SHISAL1: variants seen among roughly 807,000 people sequenced by gnomAD.
SHISAL1 encodes shisa like 1.
SHISAL1 carries 9 observed loss-of-function variants against 22.6 expected under a neutral mutation model. The observed-to-expected ratio is 0.40, with a 90% CI of 0.24 to 0.70. SHISAL1 has a LOEUF of 0.70. Ranked by LOEUF, SHISAL1 falls within the 30% of genes least tolerant of loss-of-function variation. The pLI is 0.39. For missense variants in SHISAL1, 246 were observed against 270.6 expected (o/e 0.91, Z 0.64); for synonymous variants, 119 against 115.4 (o/e 1.03, Z -0.20).
At chr22:44,307,161 C>T (rs1157332021) in intron 1 of SHISAL1, among the ~76,000 whole-genome samples, 1 of 152,180 alleles carries the variant, frequency 6.6e-6, no homozygotes, top group East Asian at 1.9e-4. Flanking sequence ...TCCTGTGGGC[C>T]TTGTGCTGCC....
intron 2 of SHISAL1, among the ~76,000 whole-genome samples, chr22:44,298,080 C>G (rs1332839989): frequency 5.3e-5 from 8 of 152,234 alleles, no homozygotes; most frequent in African/African-American, 1.9e-4. Context: ...CCTTCCCCCA[C>G]AGACAGCACC....
intron 4 of SHISAL1, among the ~76,000 whole-genome samples, chr22:44,276,546 T>C (rs2055240858): frequency 6.6e-6 from 1 of 151,282 alleles, no homozygotes; most frequent in South Asian, 2.1e-4. Context: ...CAAGGAGGGC[T>C]GATCTCAGTG....
chr22:44,266,559 T>TGTGTGTGTGTGTGTGTGTG (rs1555926298), intron 4 of SHISAL1, among the ~76,000 whole-genome samples: 4 of 142,536 alleles, frequency 2.8e-5, no homozygotes, highest in Non-Finnish European at 4.5e-5. Flanking sequence ...TGTGTGTGTG[T>TGTGTGTGTGTGTGTGTGTG]TGGAGGGCTC....
chr22:44,327,286 G>A, the SHISAL1 span, among the ~76,000 whole-genome samples: 102 of 150,984 alleles, frequency 6.8e-4, no homozygotes, highest in East Asian at 1.9e-4. Flanking sequence ...ACACACGTGC[G>A]CGTACACCAG....
At chr22:44,329,456 CA>C in the SHISAL1 span, among the ~76,000 whole-genome samples, 1 of 127,254 alleles carries the variant, frequency 7.9e-6, no homozygotes, top group East Asian at 2.8e-4. Flanking sequence ...CACACACACA[CA>C]CACACACGCG....
At chr22:44,311,189 G>A (rs1056928817) in intron 1 of SHISAL1, among the ~76,000 whole-genome samples, 2 of 152,110 alleles carry the variant, frequency 1.3e-5, no homozygotes, top group African/African-American at 2.4e-5. Flanking sequence ...GAGGTGGGCC[G>A]GCTCACACCC....
At chr22:44,275,777 G>T (rs1376135354) in intron 4 of SHISAL1, among the ~76,000 whole-genome samples, 2 of 152,212 alleles carry the variant, frequency 1.3e-5, no homozygotes, top group African/African-American at 4.8e-5. Flanking sequence ...TGGCCAAGCT[G>T]CAGTGCAGCT....
intron 4 of SHISAL1, among the ~76,000 whole-genome samples, chr22:44,266,525 G>GGTGTGTGTGT (rs386395566): frequency 6.6e-5 from 3 of 45,716 alleles, no homozygotes; most frequent in Middle Eastern, 0.013. Flanking sequence ...GGGGCTTTGG[G>GGTGTGTGTGT]GTATGTGTGT....
intron 4 of SHISAL1, among the ~76,000 whole-genome samples, chr22:44,250,352 G>A (rs1269045928): frequency 3.9e-5 from 6 of 152,170 alleles, no homozygotes; most frequent in African/African-American, 1.2e-4. Flanking sequence ...CTATAAAGAA[G>A]AGACCAAGGT....
At chr22:44,323,670 TCCATCCATCCA>T in the SHISAL1 span, among the ~76,000 whole-genome samples, 3 of 148,638 alleles carry the variant, frequency 2.0e-5, no homozygotes, top group African/African-American at 7.4e-5. Context: ...CATCCATCCA[TCCATCCATCCA>T]TCCATCCATC....
chr22:44,259,117 G>A (rs2055104646), intron 4 of SHISAL1, among the ~76,000 whole-genome samples: 1 of 152,202 alleles, frequency 6.6e-6, no homozygotes, highest in South Asian at 2.1e-4. Flanking sequence ...TTCTTAGGTG[G>A]AAATTTGCAA....
chr22:44,301,110 G>A (rs537592857), intron 1 of SHISAL1, 133 bp from the exon 2 acceptor site: 66 of 584,424 alleles, frequency 1.1e-4, no homozygotes, highest in African/African-American at 9.2e-4. Context: ...GGCCGGGTGC[G>A]GACGATGGAG....
chr22:44,269,282 TACAC>T (rs2055188353), intron 4 of SHISAL1, among the ~76,000 whole-genome samples: 1 of 111,514 alleles, frequency 9.0e-6, no homozygotes, highest in Non-Finnish European at 1.8e-5. Context: ...ACAACACACA[TACAC>T]ACACCCCATG....
At chr22:44,265,798 G>C (rs982969957) in intron 4 of SHISAL1, among the ~76,000 whole-genome samples, 1 of 152,186 alleles carries the variant, frequency 6.6e-6, no homozygotes. Flanking sequence ...ACACCCCAGC[G>C]ATGGGGAGCT....
At chr22:44,314,479 G>C (rs934513937), upstream of SHISAL1, among the ~76,000 whole-genome samples, 1 of 152,114 alleles carries the variant, frequency 6.6e-6, no homozygotes. Context: ...AAAAGTATGG[G>C]TCCGCCAATG....
intron 4 of SHISAL1, among the ~76,000 whole-genome samples, chr22:44,258,817 G>C (rs907189487): frequency 2.6e-5 from 4 of 152,178 alleles, no homozygotes; most frequent in African/African-American, 4.8e-5. Flanking sequence ...ACACTTCCAT[G>C]TTCCCAGCAT....
rs1010441042 is a variant in SHISAL1, at chr22:44,248,554, C to T, written c.*1131G>A. 1.3e-5 allele frequency: 2 copies of T among 152,212 alleles called. No homozygotes were observed. Among genetic ancestry groups the T allele is most frequent in the African/African-American group, 4.8e-5 (2 of 41,450 alleles). The allele number at this position is 152,212 out of a possible 1,614,324, so 9.4% of individuals were successfully genotyped here. A position where few individuals can be genotyped will look rare whatever the true frequency, so the allele number is the denominator to read the frequency against. On this transcript the variant is annotated 3_prime_UTR_variant, in exon 5 of 5. Transcript: ENST00000381176. ...GGATGGATTTCTAGAACGCTCCTGC[C>T]TGGGTTTCCATGGCCTTGTTACCCT...
chr22:44,293,527 G>A (rs2055367016), intron 3 of SHISAL1, among the ~76,000 whole-genome samples: 2 of 152,164 alleles, frequency 1.3e-5, no homozygotes, highest in African/African-American at 2.4e-5. Flanking sequence ...AGATGTCAGT[G>A]GTGCTGGGGT....
chr22:44,315,192 G>T (rs918271311), upstream of SHISAL1, among the ~76,000 whole-genome samples: 3 of 152,190 alleles, frequency 2.0e-5, no homozygotes, highest in Non-Finnish European at 4.4e-5. Context: ...AGCAGGCAGA[G>T]ACATGGGCCT....
Sources: gnomAD v4.1 joint callset for allele counts (sites outside exome capture counted in the v4.1 genomes callset) on GRCh38, gnomAD v4.1.1 for gene constraint, MANE v1.5 for transcripts, NCBI Gene and HGNC (gene_info 2026-07-23, HGNC 2026-07-21) for gene names.